HYAL4: variants seen among roughly 807,000 people sequenced by gnomAD.
HYAL4 encodes hyaluronidase-4.
A neutral mutation model predicts 35.2 loss-of-function variants in HYAL4; 37 were observed. The observed-to-expected ratio is 1.05, with a 90% CI of 0.81 to 1.38. HYAL4 has a LOEUF of 1.38. Among genes scored for constraint, HYAL4 ranks in the 40% most tolerant of loss-of-function variants. The probability of loss-of-function intolerance (pLI) is 0.00; values close to 1 mark genes in which losing one functional copy is unlikely to be tolerated. For missense variants in HYAL4, 572 were observed against 572.4 expected (o/e 1.00, Z 0.01); for synonymous variants, 198 against 203.2 (o/e 0.97, Z 0.22).
chr7:123,782,370 A>T, the HYAL4 span, among the ~76,000 whole-genome samples: 1 of 152,176 alleles, frequency 6.6e-6, no homozygotes, highest in Non-Finnish European at 1.5e-5. Flanking sequence ...AGAATCCTTG[A>T]GCTAGAAAAA....
chr7:123,765,068 T>C, the HYAL4 span, among the ~76,000 whole-genome samples: 1 of 152,328 alleles, frequency 6.6e-6, no homozygotes, highest in South Asian at 2.1e-4. Flanking sequence ...CAGCTACTTA[T>C]TTTGGACATT....
the HYAL4 span, among the ~76,000 whole-genome samples, chr7:123,778,413 T>A: frequency 6.6e-6 from 1 of 152,138 alleles, no homozygotes; most frequent in Non-Finnish European, 1.5e-5. Flanking sequence ...CAATTCAAGA[T>A]CACGTCTTAC....
chr7:123,851,715 C>A (rs997239601), intron 2 of HYAL4, among the ~76,000 whole-genome samples: 1 of 152,048 alleles, frequency 6.6e-6, no homozygotes, highest in Non-Finnish European at 1.5e-5. Context: ...GTGGATGTGT[C>A]TTTATAGTAG....
intron 1 of HYAL4, chr7:123,829,378 A>G (rs1349016595): frequency 6.6e-6 from 1 of 152,092 alleles, no homozygotes; most frequent in African/African-American, 2.4e-5. Context: ...CCCTTACTAC[A>G]ATGCCAATTT....
At chr7:123,807,335 A>G in the HYAL4 span, among the ~76,000 whole-genome samples, 1 of 151,980 alleles carries the variant, frequency 6.6e-6, no homozygotes, top group African/African-American at 2.4e-5. Context: ...AATAATGTGC[A>G]GGTTTGAAAA....
the HYAL4 span, among the ~76,000 whole-genome samples, chr7:123,805,814 T>C: frequency 6.6e-6 from 1 of 152,026 alleles, no homozygotes; most frequent in Non-Finnish European, 1.5e-5. Context: ...AGCAGGCTTT[T>C]TTGGTAGAAA....
chr7:123,832,042 A>G (rs535162171), intron 1 of HYAL4, among the ~76,000 whole-genome samples: 1 of 152,160 alleles, frequency 6.6e-6, no homozygotes, highest in East Asian at 1.9e-4. Flanking sequence ...TAAACTCTGA[A>G]CCTGTGTAGG....
the HYAL4 span, among the ~76,000 whole-genome samples, chr7:123,823,161 G>C: frequency 1.3e-5 from 2 of 151,986 alleles, no homozygotes; most frequent in Non-Finnish European, 2.9e-5. Context: ...TACTGTGAAG[G>C]GGTGTTAAAT....
chr7:123,765,298 T>C, the HYAL4 span, among the ~76,000 whole-genome samples: 1 of 152,194 alleles, frequency 6.6e-6, no homozygotes, highest in African/African-American at 2.4e-5. Flanking sequence ...TAAGCAAGTT[T>C]CTAAGAAGGG....
At chr7:123,785,878 C>T in the HYAL4 span, among the ~76,000 whole-genome samples, 1 of 152,104 alleles carries the variant, frequency 6.6e-6, no homozygotes, top group Admixed American at 6.5e-5. This position sits in a 1 kb window ranked among gnomAD's most constrained non-coding sequence, Gnocchi z 4.5. Flanking sequence ...ATTTGCTATC[C>T]TAGGCAAAAT....
chr7:123,831,168 A>G lies in HYAL4; in HGVS notation c.-257+2044A>G, dbSNP rs561479078. 2.0e-5 allele frequency among the ~76,000 whole-genome samples: 3 copies of G among 152,266 alleles called. No individual in the cohort carries two copies. The South Asian group carries it at 6.2e-4, about 32-fold the overall frequency. The stretch of plus-strand genomic sequence containing the variant: ...GTGGTACTGAGTTCTTGCTCTGGCA[A>G]GACTGGATTAGTTCTCATGGGAATG... On this transcript the variant is annotated intron_variant, in intron 1 of 4. Coordinates refer to the HYAL4 transcript ENST00000489978.
At chr7:123,835,003 TG>T (rs772751569) in intron 1 of HYAL4, among the ~76,000 whole-genome samples, 1 of 152,162 alleles carries the variant, frequency 6.6e-6, no homozygotes, top group Non-Finnish European at 1.5e-5. Flanking sequence ...TAAGGATTTT[TG>T]TATCTATGCT....
chr7:123,771,271 T>C, the HYAL4 span, among the ~76,000 whole-genome samples: 6 of 152,250 alleles, frequency 3.9e-5, no homozygotes, highest in Non-Finnish European at 8.8e-5. Context: ...ATTGAAATTA[T>C]TTCCTCACTA....
upstream of HYAL4, among the ~76,000 whole-genome samples, chr7:123,824,910 T>C (rs953402415): frequency 6.6e-6 from 1 of 152,140 alleles, no homozygotes; most frequent in Non-Finnish European, 1.5e-5. Context: ...AGTGAATAAA[T>C]AAACATGTCA....
the HYAL4 span, among the ~76,000 whole-genome samples, chr7:123,818,923 GTTATTT>G: frequency 3.6e-3 from 549 of 152,168 alleles, 3 homozygotes; most frequent in African/African-American, 0.013. Flanking sequence ...TGACCTCACA[GTTATTT>G]TTATTTTAAG....
At chr7:123,870,647 A>G (rs1248190026) in intron 3 of HYAL4, among the ~76,000 whole-genome samples, 1 of 151,968 alleles carries the variant, frequency 6.6e-6, no homozygotes, top group African/African-American at 2.4e-5. Flanking sequence ...CTGTAATCCC[A>G]GCTACTCAGG....
the HYAL4 span, among the ~76,000 whole-genome samples, chr7:123,822,301 CT>C: frequency 6.6e-6 from 1 of 152,014 alleles, no homozygotes; most frequent in African/African-American, 2.4e-5. Context: ...TTATTTATGT[CT>C]CTTTTAACAC....
the HYAL4 span, among the ~76,000 whole-genome samples, chr7:123,821,820 T>C: frequency 6.6e-6 from 1 of 152,318 alleles, no homozygotes; most frequent in East Asian, 1.9e-4. Flanking sequence ...AATTGACTTT[T>C]GTGTGTGGTA....
chr7:123,784,243 A>G, the HYAL4 span, among the ~76,000 whole-genome samples: 1 of 152,238 alleles, frequency 6.6e-6, no homozygotes, highest in Non-Finnish European at 1.5e-5. Context: ...AACTATGTCT[A>G]ACAAACATAT....
Sources: gnomAD v4.1 joint callset for allele counts (sites outside exome capture counted in the v4.1 genomes callset) on GRCh38, gnomAD v4.1.1 for gene constraint, Gnocchi (gnomAD v3.1) non-coding constraint, MANE v1.5 for transcripts, NCBI Gene and HGNC (gene_info 2026-07-23, HGNC 2026-07-21) for gene names.